Variants in ZNF483 observed in about 807,000 individuals in gnomAD.
ZNF483 encodes the protein zinc finger protein 483.
ZNF483 carries 9 observed loss-of-function variants against 28.6 expected under a neutral mutation model. The observed-to-expected ratio is 0.32, with a 90% confidence interval of 0.19 to 0.55. The LOEUF is 0.55. Among genes scored for constraint, ZNF483 ranks in the 20% least tolerant of loss-of-function variants. ZNF483 has a pLI of 0.93. For missense variants in ZNF483, 675 were observed against 871.7 expected, an observed-to-expected ratio of 0.77 and a Z score of 2.84; for synonymous variants, 322 against 306.2, an observed-to-expected ratio of 1.05 and a Z score of -0.54.
In ZNF483 at chr9:111,544,137, C is replaced by T. The variant is rs923561414; in HGVS notation, c.*967C>T. ...GAGCTTGCACCTGAGCCATCTCAGC[C>T]GTGAGAGTAACAGTCCTAGGAAAAT... is the stretch of plus-strand genomic sequence containing the variant. On this transcript the variant is annotated 3_prime_UTR_variant, in exon 6 of 6. Transcript: ENST00000309235. The T allele has an allele frequency of 1.0e-5, 10 of 985,168 alleles. No individual in the cohort carries two copies. In the East Asian group the frequency reaches 3.4e-4, roughly 33 times the overall value. 61.0% of individuals were successfully genotyped at this position (985,168 alleles called of 1,614,324 possible).
At chr9:111,569,965 T>C (rs1320180967) in intron 5 of ZNF483, 2 of 1,443,234 alleles carry the variant, frequency 1.4e-6, no homozygotes, top group South Asian at 1.2e-5. Context: ...CTAAGCACAA[T>C]GACCCAATAG....
Position 111,544,014 on chromosome 9 carries a change from CAG to C in ZNF483, c.*845_*846del, listed in dbSNP as rs1827742557. 4 of 985,312 alleles carry C rather than the reference CAG, an allele frequency of 4.1e-6. No homozygotes were observed. The South Asian group carries it at 1.9e-4, about 46-fold the overall frequency. 61.0% of individuals were successfully genotyped at this position (985,312 alleles called of 1,614,324 possible). A position where few individuals can be genotyped will look rare whatever the true frequency, so the allele number is the denominator to read the frequency against. On this transcript the variant is annotated 3_prime_UTR_variant, in exon 6 of 6. Transcript: ENST00000309235. ...TCAAATGCTGTAACTAGGAATGGGT[CAG>C]TGAAGTTCAAACGACTTTTCCTTGA...
At chr9:111,534,012 A>G (rs1827413782) in intron 4 of ZNF483, 147 bp downstream of exon 4, 2 of 1,048,884 alleles carry the variant, frequency 1.9e-6, no homozygotes, top group African/African-American at 1.6e-5. Flanking sequence ...CTGGTTCTGA[A>G]AATGTGCTTT....
intron 3 of ZNF483, 56 bp downstream of exon 3, chr9:111,531,019 T>G: frequency 1.2e-6 from 1 of 852,606 alleles, no homozygotes; most frequent in East Asian, 3.8e-5. Context: ...GAGCTCCTAC[T>G]GAGTGGTATA....
Position 111,547,065 on chromosome 9 carries a change from C to T in ZNF483, c.*3895C>T, listed in dbSNP as rs913148025. Reference sequence around the variant, plus strand: ...AATATTCCATTTTACTTGTATACCACATTTTGTTTATCCTTTTATCTGCCA... The same window carrying T: ...AATATTCCATTTTACTTGTATACCATATTTTGTTTATCCTTTTATCTGCCA... On this transcript the variant is annotated 3_prime_UTR_variant, in exon 6 of 6. Transcript: ENST00000309235. Among the ~76,000 whole-genome samples the T allele has an allele frequency of 3.9e-5, 6 of 152,176 alleles. No homozygotes were observed. The highest frequency in any genetic ancestry group is 8.8e-5 in the Non-Finnish European group (6 of 68,006).
At chr9:111,536,086 C>T (rs1160983565) in intron 5 of ZNF483, among the ~76,000 whole-genome samples, 8 of 149,806 alleles carry the variant, frequency 5.3e-5, no homozygotes, top group Admixed American at 2.7e-4. Context: ...GTAGAGATGG[C>T]GTTTCCCCAT....
At position 111,538,683 on chromosome 9, in the gene ZNF483, G is replaced by A. The variant is rs148836713; in HGVS notation, c.722-2974G>A. On this transcript the variant is annotated intron_variant, in intron 5 of 5. Transcript: ENST00000309235. Reference sequence around the variant, plus strand: ...TCTAGCAGCACTGGTATAAATATATGTCCCTTCCCCAATTATCTTACATAA... The same window carrying A: ...TCTAGCAGCACTGGTATAAATATATATCCCTTCCCCAATTATCTTACATAA... Among the ~76,000 whole-genome samples, 37 of 152,176 alleles carry A rather than the reference G, an allele frequency of 2.4e-4. No individual in the cohort carries two copies. The East Asian group carries it at 6.8e-3, about 28-fold the overall frequency.
At position 111,550,575 on chromosome 9, in the gene ZNF483, C is replaced by G. The variant is rs1355322718; in HGVS notation, c.*7405C>G. Among the ~76,000 whole-genome samples, 1 of 152,160 alleles carries G rather than the reference C, an allele frequency of 6.6e-6. No individual in the cohort carries two copies. The highest frequency in any genetic ancestry group is 1.9e-4 in the East Asian group (1 of 5,186). ...GAAGCTACAAGTGTTCAGATGGACT[C>G]ATGTGCTCCCAAAATAATCACTTTA... On this transcript the variant is annotated 3_prime_UTR_variant, in exon 6 of 6. Coordinates refer to ENST00000309235, the MANE Select transcript of ZNF483 (RefSeq NM_133464.5).
chr9:111,559,599 C>A (rs1564607053), downstream of ZNF483, among the ~76,000 whole-genome samples: 1 of 151,520 alleles, frequency 6.6e-6, no homozygotes, highest in African/African-American at 2.4e-5. Flanking sequence ...CACACACACT[C>A]ACACACACAC....
chr9:111,556,560 C>T (rs1012051978), downstream of ZNF483, among the ~76,000 whole-genome samples: 6 of 152,256 alleles, frequency 3.9e-5, no homozygotes, highest in Non-Finnish European at 7.3e-5. Context: ...TCCCAAACCT[C>T]AACTCTTGTC....
chr9:111,539,601 TA>T, intron 5 of ZNF483: 1 of 343,062 alleles, frequency 2.9e-6, no homozygotes, highest in Non-Finnish European at 5.7e-6. Context: ...CCATCTCTAC[TA>T]AAAATACAAA....
rs1447601706 is a variant in ZNF483 at position 111,547,443 on chromosome 9, C to G, written c.*4273C>G. On this transcript the variant is annotated 3_prime_UTR_variant, in exon 6 of 6. Coordinates refer to ENST00000309235, the MANE Select transcript of ZNF483 (RefSeq NM_133464.5). ...TGCTTATTGACCATTTGTATCTCTT[C>G]TTTGGAGAAATGTTTATTGAAGTCC... 6.6e-6 allele frequency among the ~76,000 whole-genome samples: 1 copy of G among 152,068 alleles called. No homozygotes were observed. The highest frequency in any genetic ancestry group is 2.4e-5 in the African/African-American group (1 of 41,418).
At position 111,552,398 on chromosome 9, in the gene ZNF483, A is replaced by C. The variant is rs1435331630; in HGVS notation, c.*9228A>C. 6.6e-6 allele frequency among the ~76,000 whole-genome samples: 1 copy of C among 152,220 alleles called. No homozygotes were observed. The highest frequency in any genetic ancestry group is 1.5e-5 in the Non-Finnish European group (1 of 68,024). The stretch of plus-strand genomic sequence containing the variant: ...CTCGTTTCTTGGAGTCTGCTTCAGA[A>C]AATTGAACACAAATATTTTCAGTAT... On this transcript the variant is annotated 3_prime_UTR_variant, in exon 6 of 6. Coordinates refer to ENST00000309235, the MANE Select transcript of ZNF483 (RefSeq NM_133464.5).
chr9:111,557,377 TAAA>T (rs201364819), downstream of ZNF483, among the ~76,000 whole-genome samples: 18 of 144,196 alleles, frequency 1.2e-4, no homozygotes, highest in Non-Finnish European at 7.6e-5. Flanking sequence ...CCATCTCCAG[TAAA>T]AAAAAAAAGA....
At position 111,525,192 on chromosome 9, in the gene ZNF483, C is replaced by A. The variant is rs1350446030; in HGVS notation, c.-199C>A. 1.3e-5 allele frequency: 2 copies of A among 152,276 alleles called. No homozygotes were observed. The highest frequency in any genetic ancestry group is 4.8e-5 in the African/African-American group (2 of 41,474). The allele number at this position is 152,276 out of a possible 1,614,324, so 9.4% of individuals were successfully genotyped here. ...AGTGGTTCCCGCAGGCTTGCGCGCG[C>A]ACTCGCTGCGGGACAAGCTTCTGGA... On this transcript the variant is annotated 5_prime_UTR_variant, in exon 1 of 6. Coordinates refer to ENST00000309235, the MANE Select transcript of ZNF483 (RefSeq NM_133464.5).
At chr9:111,570,023 A>G in intron 5 of ZNF483, 1 of 1,600,820 alleles carries the variant, frequency 6.2e-7, no homozygotes, top group Non-Finnish European at 8.5e-7. Flanking sequence ...GGTAGAACAA[A>G]AGCCTTGAGA....
At chr9:111,530,778 TATATATATATATATATATATATAC>T (rs1404061645) in intron 2 of ZNF483, 73 bp from the exon 3 acceptor site, 2,428 of 51,764 alleles carry the variant, frequency 0.047, 167 homozygotes, top group African/African-American at 0.22. Context: ...TATATATATA[TATATATATATATATATATATATAC>T]ATATATATAT....
intron 5 of ZNF483, among the ~76,000 whole-genome samples, chr9:111,539,065 A>G (rs1422463978): frequency 6.8e-6 from 1 of 147,320 alleles, no homozygotes; most frequent in African/African-American, 2.5e-5. Flanking sequence ...GTGAGCTGAG[A>G]TCACGCTACT....
intron 5 of ZNF483, chr9:111,574,919 T>C: frequency 1.8e-6 from 2 of 1,103,288 alleles, no homozygotes. Context: ...TCACAAGCAT[T>C]ATTTTACAAT....
Sources: allele counts gnomAD v4.1 joint callset (sites outside exome capture counted in the v4.1 genomes callset), GRCh38; gene constraint gnomAD v4.1.1; transcripts MANE v1.5; gene names NCBI Gene and HGNC (gene_info 2026-07-23, HGNC 2026-07-21).